Variants in GALNT10 observed in about 807,000 individuals in gnomAD.
GALNT10 encodes polypeptide N-acetylgalactosaminyltransferase 10.
GALNT10 carries 41 observed loss-of-function variants against 75.0 expected under a neutral mutation model. The ratio of observed to expected loss-of-function variants is 0.55; its 90% CI spans 0.43 to 0.71. GALNT10 has a LOEUF of 0.71. Among genes scored for constraint, GALNT10 ranks in the 30% least tolerant of loss-of-function variants. The pLI, the probability that GALNT10 is intolerant of heterozygous loss-of-function variation, is 0.00. For synonymous variants in GALNT10, 302 were observed against 313.0 expected (o/e 0.96, Z 0.37); for missense variants, 727 against 818.5 (o/e 0.89, Z 1.36).
intron 2 of GALNT10, among the ~76,000 whole-genome samples, chr5:154,297,616 G>A (rs537977089): frequency 6.6e-6 from 1 of 152,274 alleles, no homozygotes; most frequent in East Asian, 1.9e-4. Flanking sequence ...TGGAGTTCCT[G>A]ACGGAGTGAG....
chr5:154,360,056 G>C (rs1755359648), intron 4 of GALNT10, among the ~76,000 whole-genome samples: 1 of 152,104 alleles, frequency 6.6e-6, no homozygotes, highest in African/African-American at 2.4e-5. Flanking sequence ...AGCACTGTTT[G>C]TAATAGTACC....
At chr5:154,359,551 A>AAAG (rs1554100221) in intron 4 of GALNT10, among the ~76,000 whole-genome samples, 4 of 150,250 alleles carry the variant, frequency 2.7e-5, no homozygotes, top group Admixed American at 1.3e-4. Flanking sequence ...AAAAAAAAAA[A>AAAG]AGAGAGAGAG....
rs997140668 is a variant in GALNT10 at position 154,420,054 on chromosome 5, G to C, written c.*3082G>C. The C allele has an allele frequency of 1.3e-5, 2 of 152,196 alleles. No individual in the cohort carries two copies. The highest frequency in any genetic ancestry group is 2.9e-5 in the Non-Finnish European group (2 of 68,044). 9.4% of individuals were successfully genotyped at this position (152,196 alleles called of 1,614,324 possible). On this transcript the variant is annotated 3_prime_UTR_variant, in exon 12 of 12. Transcript: ENST00000297107. ...AAGGCCTTTGGAGGTGGCTAAACTT[G>C]CACGCACGTGTGTGAAAAGCCATCC...
At chr5:154,414,409 AATT>A (rs1756463205) in intron 10 of GALNT10, among the ~76,000 whole-genome samples, 1 of 152,246 alleles carries the variant, frequency 6.6e-6, no homozygotes, top group Non-Finnish European at 1.5e-5. Context: ...ACAAGCGATG[AATT>A]ATTGATAAAT....
At chr5:154,280,894 T>C (rs1172430424) in intron 1 of GALNT10, among the ~76,000 whole-genome samples, 1 of 152,014 alleles carries the variant, frequency 6.6e-6, no homozygotes, top group Non-Finnish European at 1.5e-5. Context: ...CCTTTACCTA[T>C]TGAATTTTCT....
intron 7 of GALNT10, among the ~76,000 whole-genome samples, chr5:154,396,436 G>A (rs1756020698): frequency 6.6e-6 from 1 of 152,182 alleles, no homozygotes; most frequent in South Asian, 2.1e-4. Flanking sequence ...CCTTTGTTCT[G>A]CAGACAATAC....
chr5:154,224,350 T>C (rs539762361), intron 1 of GALNT10, among the ~76,000 whole-genome samples: 1 of 152,338 alleles, frequency 6.6e-6, no homozygotes, highest in Admixed American at 6.5e-5. Flanking sequence ...CATTCATCAT[T>C]CTTATTCTAT....
intron 1 of GALNT10, chr5:154,219,530 C>T (rs934282745): frequency 3.3e-5 from 5 of 152,352 alleles, no homozygotes; most frequent in African/African-American, 4.8e-5. Context: ...GAAGAATGGA[C>T]ATGGGCTGTT....
At chr5:154,322,134 A>G (rs1754685394) in intron 3 of GALNT10, among the ~76,000 whole-genome samples, 2 of 152,218 alleles carry the variant, frequency 1.3e-5, no homozygotes, top group Non-Finnish European at 2.9e-5. Context: ...GAAATACATC[A>G]TGCGTGGGTC....
chr5:154,324,604 A>G (rs1173317454), intron 3 of GALNT10, among the ~76,000 whole-genome samples: 4 of 152,196 alleles, frequency 2.6e-5, no homozygotes, highest in Non-Finnish European at 5.9e-5. Flanking sequence ...GGATGTGAAT[A>G]TTTTGGGGTA....
intron 3 of GALNT10, among the ~76,000 whole-genome samples, chr5:154,323,553 G>C (rs1754708432): frequency 6.6e-6 from 1 of 152,196 alleles, no homozygotes. Flanking sequence ...TTCAAGCTAA[G>C]ATGTGGAGAT....
chr5:154,408,984 G>A (rs988719588), intron 8 of GALNT10, among the ~76,000 whole-genome samples: 4 of 152,164 alleles, frequency 2.6e-5, no homozygotes, highest in African/African-American at 9.7e-5. Context: ...TCCTTGGACA[G>A]GCTCTCCTTG....
intron 4 of GALNT10, among the ~76,000 whole-genome samples, chr5:154,359,575 C>T (rs1336086876): frequency 6.8e-6 from 1 of 148,104 alleles, no homozygotes; most frequent in African/African-American, 2.5e-5. Flanking sequence ...AAAGAAAAAA[C>T]ACTTCCTTTT....
In GALNT10 at chr5:154,409,371, C is replaced by A. The variant is rs1038076553; in HGVS notation, c.1165-170C>A. The A allele has an allele frequency of 1.6e-5, 11 of 680,666 alleles. No homozygotes were observed. The highest frequency in any genetic ancestry group is 1.3e-4 in the Admixed American group (6 of 44,546). 42.2% of individuals were successfully genotyped at this position (680,666 alleles called of 1,614,324 possible). ...TAAGCTGTGAAGCCCTTAAAACATG[C>A]ATAATGATAAATAGAAACACAGAAG... On this transcript the variant is annotated intron_variant, in intron 8 of 11. Transcript: ENST00000297107. The surrounding 1 kb of genome is among the most constrained non-coding windows in gnomAD (Gnocchi z 4.5).
intron 1 of GALNT10, among the ~76,000 whole-genome samples, chr5:154,270,702 T>C (rs753685): frequency 0.17 from 25,735 of 152,022 alleles, 2,365 homozygotes; most frequent in Middle Eastern, 0.26. Context: ...ACTTGTGAAA[T>C]TGGAACTCCT....
chr5:154,380,114 A>G (rs762685211), intron 5 of GALNT10, among the ~76,000 whole-genome samples: 28 of 152,304 alleles, frequency 1.8e-4, no homozygotes, highest in Non-Finnish European at 3.7e-4. Context: ...TATGCTAATA[A>G]TAAGGCACGT....
chr5:154,412,604 T>G lies in GALNT10; in HGVS notation c.1387-285T>G. 6.1e-6 allele frequency: 2 copies of G among 326,462 alleles called. No homozygotes were observed. The highest frequency in any genetic ancestry group is 1.1e-5 in the Non-Finnish European group (2 of 173,958). The allele number at this position is 326,462 out of a possible 1,614,324, so 20.2% of individuals were successfully genotyped here. ...TTTCTCCAGGAGTAGGGCCAGGGAGTCCTTTACCAACTCCTCACCTCCACT... is the reference window on the plus strand; with the variant it reads ...TTTCTCCAGGAGTAGGGCCAGGGAGGCCTTTACCAACTCCTCACCTCCACT... On this transcript the variant is annotated intron_variant, in intron 9 of 11. Transcript: ENST00000297107. The surrounding 1 kb of genome is among the most constrained non-coding windows in gnomAD (Gnocchi z 4.2).
intron 4 of GALNT10, among the ~76,000 whole-genome samples, chr5:154,366,690 A>C (rs1755479209): frequency 6.6e-6 from 1 of 152,218 alleles, no homozygotes; most frequent in South Asian, 2.1e-4. Context: ...AGTCTTTGGG[A>C]GAAGGAAATT....
chr5:154,249,634 C>G (rs1206989720), intron 1 of GALNT10, among the ~76,000 whole-genome samples: 1 of 152,132 alleles, frequency 6.6e-6, no homozygotes, highest in Non-Finnish European at 1.5e-5. Flanking sequence ...TATATACCAA[C>G]TGTGGTCAGG....
Sources: allele counts gnomAD v4.1 joint callset (sites outside exome capture counted in the v4.1 genomes callset), GRCh38; gene constraint gnomAD v4.1.1; non-coding constraint Gnocchi (gnomAD v3.1); transcripts MANE v1.5; gene names NCBI Gene and HGNC (gene_info 2026-07-23, HGNC 2026-07-21).